PARD3: variants seen among roughly 807,000 people sequenced by gnomAD.
The protein encoded by PARD3 is partitioning defective 3 homolog.
A neutral mutation model predicts 155.4 loss-of-function variants in PARD3; 75 were observed. The observed-to-expected ratio is 0.48, with a 90% CI of 0.40 to 0.58. PARD3 has a LOEUF of 0.58. PARD3 is among the 20% of genes least tolerant of loss of function. The pLI is 0.00. For synonymous variants in PARD3, 576 were observed against 610.5 expected (o/e 0.94, Z 0.83); for missense variants, 1,642 against 1,721.7 (o/e 0.95, Z 0.82).
chr10:34,202,496 A>G (rs555889993), intron 22 of PARD3, among the ~76,000 whole-genome samples: 1 of 152,382 alleles, frequency 6.6e-6, no homozygotes, highest in East Asian at 1.9e-4. Flanking sequence ...CATCATTTCT[A>G]GTCCAAATGT....
chr10:34,586,329 T>C (rs1236165847), intron 2 of PARD3, among the ~76,000 whole-genome samples: 2 of 152,196 alleles, frequency 1.3e-5, no homozygotes, highest in African/African-American at 4.8e-5. Context: ...TAAGTAGGAA[T>C]AGACCTCAGA....
intron 22 of PARD3, among the ~76,000 whole-genome samples, chr10:34,253,151 A>G (rs1954430922): frequency 6.6e-6 from 1 of 152,232 alleles, no homozygotes; most frequent in African/African-American, 2.4e-5. Context: ...CCAGATGCAA[A>G]TAAAATTCCT....
intron 2 of PARD3, among the ~76,000 whole-genome samples, chr10:34,605,336 G>A (rs1472816229): frequency 6.7e-6 from 1 of 148,712 alleles, no homozygotes; most frequent in Admixed American, 6.7e-5. Flanking sequence ...GGGACTACAG[G>A]GCGCCTACCA....
intron 22 of PARD3, among the ~76,000 whole-genome samples, chr10:34,244,644 A>T (rs1953824780): frequency 6.6e-6 from 1 of 152,224 alleles, no homozygotes; most frequent in Admixed American, 6.5e-5. Flanking sequence ...ATTCTGTCCC[A>T]TGTCATTGAT....
intron 22 of PARD3, among the ~76,000 whole-genome samples, chr10:34,245,745 A>G (rs1953909119): frequency 6.6e-6 from 1 of 152,208 alleles, no homozygotes; most frequent in Non-Finnish European, 1.5e-5. Context: ...GGTGCTGGTG[A>G]AAAGAGCAGA....
chr10:34,394,778 G>A (rs936221212), intron 7 of PARD3, among the ~76,000 whole-genome samples: 2 of 152,090 alleles, frequency 1.3e-5, no homozygotes, highest in Non-Finnish European at 2.9e-5. Context: ...ATCCAGGCCA[G>A]GATGTATCAT....
intron 3 of PARD3, among the ~76,000 whole-genome samples, chr10:34,495,974 G>A (rs150616412): frequency 1.3e-3 from 197 of 152,210 alleles, no homozygotes; most frequent in Non-Finnish European, 2.1e-3. Context: ...AAGCTAAGGT[G>A]GGTGGATCAC....
At chr10:34,728,989 T>C (rs971592338) in intron 1 of PARD3, among the ~76,000 whole-genome samples, 1 of 152,210 alleles carries the variant, frequency 6.6e-6, no homozygotes, top group African/African-American at 2.4e-5. Flanking sequence ...TACCACTCTG[T>C]TCTAACTGCC....
At chr10:34,379,107 C>A in intron 9 of PARD3, among the ~76,000 whole-genome samples, 1 of 152,056 alleles carries the variant, frequency 6.6e-6, no homozygotes, top group Non-Finnish European at 1.5e-5. Flanking sequence ...ATTGTTAAGG[C>A]AAATGCTTGC....
chr10:34,303,824 G>T (rs145104905), intron 20 of PARD3, among the ~76,000 whole-genome samples: 2 of 152,164 alleles, frequency 1.3e-5, no homozygotes, highest in African/African-American at 4.8e-5. Flanking sequence ...CTGAGGTGGA[G>T]AGGAAGACAA....
intron 2 of PARD3, among the ~76,000 whole-genome samples, chr10:34,569,049 G>A (rs2086179204): frequency 6.6e-6 from 1 of 152,102 alleles, no homozygotes; most frequent in African/African-American, 2.4e-5. Flanking sequence ...AATATTTAAT[G>A]CCAGATGAAC....
chr10:34,379,306 C>T (rs995657926), intron 9 of PARD3, among the ~76,000 whole-genome samples: 5 of 152,192 alleles, frequency 3.3e-5, no homozygotes, highest in Middle Eastern at 3.4e-3. Context: ...ATAGTTATTC[C>T]TGTAGCAAAA....
rs2133052380 is a variant in PARD3, at chr10:34,651,009, C to CT, written c.222+45308dup. 1.0e-4 allele frequency among the ~76,000 whole-genome samples: 5 copies of CT among 47,664 alleles called. 1 individual carries two copies. In the South Asian group the frequency reaches 4.0e-3, roughly 38 times the overall value. The allele number at this position is 47,664 out of a possible 152,430, so 31.3% of individuals were successfully genotyped here. On this transcript the variant is annotated intron_variant, in intron 2 of 24. Transcript: ENST00000374788. ...CTGGGCAACAAGAACGAAACTCTGT[C>CT]TCAAAAAAAAAAAAAAAAAAAAAAA...
intron 22 of PARD3, among the ~76,000 whole-genome samples, chr10:34,224,348 TTTC>T (rs1012860506): frequency 4.6e-5 from 7 of 152,194 alleles, no homozygotes; most frequent in African/African-American, 1.7e-4. Context: ...TAGAGCAATA[TTTC>T]TTCTTCTTTC....
intron 21 of PARD3, among the ~76,000 whole-genome samples, chr10:34,283,444 A>T (rs1320221664): frequency 6.6e-6 from 1 of 152,150 alleles, no homozygotes; most frequent in Non-Finnish European, 1.5e-5. Flanking sequence ...ACCCCCTGGA[A>T]TTATAATGAG....
chr10:34,591,687 A>G (rs530837187), intron 2 of PARD3, among the ~76,000 whole-genome samples: 88 of 152,320 alleles, frequency 5.8e-4, no homozygotes, highest in African/African-American at 1.7e-3. Context: ...AACAGAATGC[A>G]AGGCCTTAAT....
chr10:34,398,616 T>C (rs935761937), intron 7 of PARD3, among the ~76,000 whole-genome samples: 5 of 152,224 alleles, frequency 3.3e-5, no homozygotes, highest in African/African-American at 7.2e-5. Flanking sequence ...ACCTCACTTG[T>C]CTGTGACAGA....
intron 12 of PARD3, among the ~76,000 whole-genome samples, chr10:34,365,574 A>G (rs1457553148): frequency 6.6e-6 from 1 of 152,200 alleles, no homozygotes; most frequent in African/African-American, 2.4e-5. Flanking sequence ...AAATAGGTAG[A>G]CAAGAACATC....
intron 1 of PARD3, among the ~76,000 whole-genome samples, chr10:34,704,451 G>A (rs1379358141): frequency 6.6e-6 from 1 of 152,048 alleles, no homozygotes; most frequent in Non-Finnish European, 1.5e-5. Context: ...GAGGAGAAAG[G>A]CAGACACAAA....
Sources: allele counts gnomAD v4.1 joint callset (sites outside exome capture counted in the v4.1 genomes callset), GRCh38; gene constraint gnomAD v4.1.1; transcripts MANE v1.5; gene names NCBI Gene and HGNC (gene_info 2026-07-23, HGNC 2026-07-21).